NHSL1: variants seen among roughly 807,000 people sequenced by gnomAD.
The protein encoded by NHSL1 is NHS like 1.
A neutral mutation model predicts 95.0 loss-of-function variants in NHSL1; 48 were observed. The observed-to-expected ratio is 0.51, with a 90% CI of 0.40 to 0.64. The LOEUF is 0.64. Among genes scored for constraint, NHSL1 ranks in the 30% least tolerant of loss-of-function variants. The pLI is 0.00. For missense variants in NHSL1, 1,971 were observed against 2,077.7 expected (o/e 0.95, Z 1.00); for synonymous variants, 783 against 833.9 (o/e 0.94, Z 1.05).
upstream of NHSL1, among the ~76,000 whole-genome samples, chr6:138,502,051 G>A (rs1780710747): frequency 6.6e-6 from 1 of 152,058 alleles, no homozygotes; most frequent in Non-Finnish European, 1.5e-5. Context: ...AACTGTACTT[G>A]GTTACACACG....
chr6:138,556,115 G>C (rs1366711526), intron 1 of NHSL1, among the ~76,000 whole-genome samples: 3 of 151,992 alleles, frequency 2.0e-5, no homozygotes, highest in African/African-American at 7.3e-5. Flanking sequence ...ATGGCACCGA[G>C]AGAAGAAAAT....
chr6:138,502,386 T>C (rs977323357), upstream of NHSL1, among the ~76,000 whole-genome samples: 5 of 152,118 alleles, frequency 3.3e-5, no homozygotes, highest in Non-Finnish European at 7.3e-5. Context: ...TCTGGAACTG[T>C]ATTTTTTAAT....
Position 138,447,212 on chromosome 6 carries a change from C to A in NHSL1, c.340-19G>T, listed in dbSNP as rs1467365872. The A allele has an allele frequency of 6.5e-7, 1 of 1,538,274 alleles. No homozygotes were observed. Among genetic ancestry groups the A allele is most frequent in the African/African-American group, 1.4e-5 (1 of 72,544 alleles). Reference sequence around the variant, plus strand: ...GAGAACACTGCAGAGAAAAAAGAAGCAGCAGCCACAGTGTATAAAGAGCTG... The same window carrying A: ...GAGAACACTGCAGAGAAAAAAGAAGAAGCAGCCACAGTGTATAAAGAGCTG... On this transcript the variant is annotated intron_variant, in intron 3 of 7. Transcript: ENST00000343505.
rs751675527 is a variant in NHSL1 at position 138,430,911 on chromosome 6, G to A, written c.3434C>T (p.Ser1145Leu). ...TSSLPTPAKS[S>L]SQGDHGSAAE... ...CGCACTGCCATGGTCACCCTGACTC[G>A]AGCTCTTGGCAGGCGTCGGAAGCGA... is the stretch of plus-strand genomic sequence containing the variant. The change falls in exon 6 of 8, where the codon TCG (serine) becomes TTG (leucine). Residue 1145 changes from serine (S) to leucine (L), a missense_variant. Ser to Leu is a moderately radical substitution (Grantham distance 145, BLOSUM62 -2). Coordinates refer to ENST00000343505, the MANE Select transcript of NHSL1 (RefSeq NM_001144060.2). The surrounding 1 kb of genome is among the most constrained non-coding windows in gnomAD (Gnocchi z 4.7). 161 of 1,551,352 alleles carry A rather than the reference G, an allele frequency of 1.0e-4. No individual in the cohort carries two copies. The highest frequency in any genetic ancestry group is 1.1e-4 in the Non-Finnish European group (129 of 1,146,830).
At chr6:138,482,918 A>C (rs1244204770) in intron 2 of NHSL1, among the ~76,000 whole-genome samples, 2 of 152,248 alleles carry the variant, frequency 1.3e-5, no homozygotes, top group Non-Finnish European at 1.5e-5. Context: ...ATTAAGGTAC[A>C]TCAGAATCCC....
chr6:138,444,375 T>C (rs1776723384), intron 4 of NHSL1, among the ~76,000 whole-genome samples: 1 of 152,194 alleles, frequency 6.6e-6, no homozygotes, highest in African/African-American at 2.4e-5. Context: ...ATCTTCCAGA[T>C]GGAAGAGTTG....
At chr6:138,692,901 G>T (rs1486713884), upstream of NHSL1, among the ~76,000 whole-genome samples, 4 of 150,910 alleles carry the variant, frequency 2.7e-5, no homozygotes, top group African/African-American at 7.3e-5. The surrounding 1 kb of genome is among the most constrained non-coding windows in gnomAD (Gnocchi z 4.0). Context: ...TGCCCGCAGG[G>T]GAGAGGCCGG....
At chr6:138,662,560 C>T (rs1785240304) in intron 1 of NHSL1, among the ~76,000 whole-genome samples, 1 of 152,140 alleles carries the variant, frequency 6.6e-6, no homozygotes, top group Admixed American at 6.5e-5. Context: ...ATTATGGCTC[C>T]TTTAAAGAAG....
chr6:138,510,539 G>C (rs1781172107), intron 1 of NHSL1, among the ~76,000 whole-genome samples: 1 of 152,134 alleles, frequency 6.6e-6, no homozygotes, highest in Non-Finnish European at 1.5e-5. Flanking sequence ...AAAATCACAG[G>C]TTCTTATGAA....
chr6:138,511,993 G>T (rs1270047753), intron 1 of NHSL1, among the ~76,000 whole-genome samples: 1 of 152,226 alleles, frequency 6.6e-6, no homozygotes, highest in Non-Finnish European at 1.5e-5. Context: ...TTGCATAGCA[G>T]CTCTCAGAAG....
At chr6:138,616,143 A>C (rs1279080408) in intron 1 of NHSL1, among the ~76,000 whole-genome samples, 1 of 152,282 alleles carries the variant, frequency 6.6e-6, no homozygotes, top group African/African-American at 2.4e-5. Context: ...TTTTGAGATC[A>C]GAGCAAATAA....
At chr6:138,555,779 T>C (rs1378219549) in intron 1 of NHSL1, among the ~76,000 whole-genome samples, 1 of 152,218 alleles carries the variant, frequency 6.6e-6, no homozygotes, top group African/African-American at 2.4e-5. Context: ...AAAAGGAATT[T>C]GTCACTTGAC....
At chr6:138,455,005 A>T (rs377342227) in intron 3 of NHSL1, among the ~76,000 whole-genome samples, 3 of 152,248 alleles carry the variant, frequency 2.0e-5, no homozygotes, top group African/African-American at 7.2e-5. Context: ...GAGTAGTGGG[A>T]TGGAAACAGC....
At chr6:138,585,522 C>G (rs1439482964) in intron 1 of NHSL1, among the ~76,000 whole-genome samples, 1 of 152,040 alleles carries the variant, frequency 6.6e-6, no homozygotes, top group Non-Finnish European at 1.5e-5. Context: ...TAAGGAATGT[C>G]AGTTATTTTA....
intron 1 of NHSL1, among the ~76,000 whole-genome samples, chr6:138,505,932 C>G (rs1780940510): frequency 6.6e-6 from 1 of 152,162 alleles, no homozygotes; most frequent in South Asian, 2.1e-4. Flanking sequence ...GCATAGAAGA[C>G]TGTATATGAC....
chr6:138,477,363 G>A (rs902574484), intron 2 of NHSL1, among the ~76,000 whole-genome samples: 2 of 152,204 alleles, frequency 1.3e-5, no homozygotes, highest in Non-Finnish European at 2.9e-5. Context: ...GCTTTGGGAG[G>A]CCAAGGTGGG....
intron 1 of NHSL1, among the ~76,000 whole-genome samples, chr6:138,566,284 G>C (rs1364214841): frequency 2.0e-5 from 3 of 151,986 alleles, no homozygotes; most frequent in African/African-American, 7.2e-5. Flanking sequence ...TGTAATCCCA[G>C]CTACCCAGGA....
intron 1 of NHSL1, among the ~76,000 whole-genome samples, chr6:138,497,020 A>G (rs1015937087): frequency 6.6e-6 from 1 of 152,220 alleles, no homozygotes; most frequent in Non-Finnish European, 1.5e-5. Flanking sequence ...TAAAATTACA[A>G]TGCAATTGAC....
At chr6:138,457,415 A>G (rs1777687760) in intron 3 of NHSL1, among the ~76,000 whole-genome samples, 1 of 152,194 alleles carries the variant, frequency 6.6e-6, no homozygotes, top group Admixed American at 6.5e-5. Context: ...TAGGATAATG[A>G]AGATAATTAT....
Sources: gnomAD v4.1 joint callset for allele counts (sites outside exome capture counted in the v4.1 genomes callset) on GRCh38, gnomAD v4.1.1 for gene constraint, Gnocchi (gnomAD v3.1) non-coding constraint, MANE v1.5 for transcripts, NCBI Gene and HGNC (gene_info 2026-07-23, HGNC 2026-07-21) for gene names.